OXR1: variants seen among roughly 807,000 people sequenced by gnomAD.
The protein encoded by OXR1 is oxidation resistance 1, also known as oxidation resistance protein 1.
In OXR1, 41 loss-of-function variants were observed where a neutral mutation model predicts 104.6. The ratio of observed to expected loss-of-function variants is 0.39; its 90% CI spans 0.31 to 0.51. The LOEUF (loss-of-function observed/expected upper bound fraction) is 0.51. Among genes scored for constraint, OXR1 ranks in the 20% least tolerant of loss-of-function variants. OXR1 has a pLI of 0.77. For synonymous variants in OXR1, 348 were observed against 348.4 expected (o/e 1.00, Z 0.01); for missense variants, 955 against 1,031.9 (o/e 0.93, Z 1.02).
intron 2 of OXR1, among the ~76,000 whole-genome samples, chr8:106,410,810 C>T (rs145426308): frequency 5.0e-4 from 76 of 152,218 alleles, no homozygotes; most frequent in African/African-American, 1.8e-3. Context: ...TAATTTCTAA[C>T]GACTCTATTT....
Position 106,581,107 on chromosome 8 carries a change from A to C in OXR1, c.220+61968A>C, listed in dbSNP as rs887209508. On this transcript the variant is annotated intron_variant, in intron 3 of 16. Coordinates refer to ENST00000517566, the MANE Select transcript of OXR1 (RefSeq NM_001198533.2). The stretch of plus-strand genomic sequence containing the variant: ...TGGAGGAAAAATATGGTGCTATTCA[A>C]AGACAGTCTAGACTTAAAGATTTAG... The C allele has an allele frequency of 2.4e-6, 3 of 1,240,330 alleles. No homozygotes were observed. In the African/African-American group the frequency reaches 4.7e-5, roughly 20 times the overall value. The allele number at this position is 1,240,330 out of a possible 1,614,324, so 76.8% of individuals were successfully genotyped here.
In OXR1 at chr8:106,424,722, C is replaced by A. The variant is rs1487539587; in HGVS notation, c.23+65086C>A. Among the ~76,000 whole-genome samples the A allele has an allele frequency of 2.0e-5, 3 of 152,074 alleles. No individual in the cohort carries two copies. In the South Asian group the frequency reaches 6.2e-4, roughly 32 times the overall value. ...TTGTCAATTTGTCCTCTTGCAAGGTCTTATCTCCACTAGCAAATTTATGAG... is the reference window on the plus strand; with the variant it reads ...TTGTCAATTTGTCCTCTTGCAAGGTATTATCTCCACTAGCAAATTTATGAG... On this transcript the variant is annotated intron_variant, in intron 2 of 16. Coordinates refer to ENST00000517566, the MANE Select transcript of OXR1 (RefSeq NM_001198533.2).
chr8:106,518,920 C>T, intron 2 of OXR1, 23 bp from the exon 3 acceptor site: 1 of 1,505,546 alleles, frequency 6.6e-7, no homozygotes, highest in Non-Finnish European at 9.0e-7. Context: ...GGATTCATAG[C>T]ATGTGGTCTT....
chr8:106,682,769 A>G (rs1397158828), intron 4 of OXR1, among the ~76,000 whole-genome samples: 1 of 152,238 alleles, frequency 6.6e-6, no homozygotes, highest in Admixed American at 6.5e-5. Flanking sequence ...TATATGTGCA[A>G]TGACAGAATA....
At chr8:106,438,868 T>C (rs1819678062) in intron 2 of OXR1, among the ~76,000 whole-genome samples, 2 of 152,088 alleles carry the variant, frequency 1.3e-5, no homozygotes, top group Admixed American at 6.6e-5. Context: ...TTGGGCCAGT[T>C]ACTTAACCTC....
intron 2 of OXR1, among the ~76,000 whole-genome samples, chr8:106,374,955 C>T (rs16874461): frequency 0.023 from 3,484 of 152,192 alleles, 136 homozygotes; most frequent in African/African-American, 0.079. Flanking sequence ...GGTTTTGCTC[C>T]AACAATTGAC....
intron 2 of OXR1, among the ~76,000 whole-genome samples, chr8:106,419,080 C>G (rs1293475743): frequency 6.6e-6 from 1 of 152,084 alleles, no homozygotes. Flanking sequence ...ATCACTGACT[C>G]CATTGAAATG....
intron 3 of OXR1, among the ~76,000 whole-genome samples, chr8:106,654,422 CA>C (rs1278055715): frequency 1.3e-5 from 2 of 152,008 alleles, no homozygotes; most frequent in Non-Finnish European, 2.9e-5. Context: ...GATGCAAAGA[CA>C]ATGGGGGAAA....
chr8:106,617,110 C>T (rs749293226), intron 3 of OXR1, among the ~76,000 whole-genome samples: 2 of 152,152 alleles, frequency 1.3e-5, no homozygotes, highest in Non-Finnish European at 2.9e-5. Flanking sequence ...CTGCCCTTTA[C>T]TTCTACCGGG....
intron 1 of OXR1, among the ~76,000 whole-genome samples, chr8:106,284,767 G>A (rs540099148): frequency 6.6e-6 from 1 of 151,748 alleles, no homozygotes; most frequent in South Asian, 2.1e-4. Flanking sequence ...TGTTTGTAAA[G>A]TTTCCATTAT....
At chr8:106,300,122 A>T (rs11998224) in intron 1 of OXR1, among the ~76,000 whole-genome samples, 33,432 of 152,100 alleles carry the variant, frequency 0.22, 5,454 homozygotes, top group African/African-American at 0.46. Context: ...CATCTGAATA[A>T]ATGCAATAAG....
At chr8:106,739,013 G>A (rs1329927243) in intron 12 of OXR1, among the ~76,000 whole-genome samples, 2 of 150,680 alleles carry the variant, frequency 1.3e-5, no homozygotes, top group African/African-American at 4.9e-5. Context: ...CACCCAGGAA[G>A]TTTTGTTCAT....
intron 2 of OXR1, among the ~76,000 whole-genome samples, chr8:106,448,567 A>C (rs1481760234): frequency 6.6e-6 from 1 of 152,160 alleles, no homozygotes; most frequent in East Asian, 1.9e-4. Context: ...AATCATGAAA[A>C]ATGTTGTCTA....
intron 2 of OXR1, among the ~76,000 whole-genome samples, chr8:106,484,342 G>A (rs1822316954): frequency 6.6e-6 from 1 of 152,016 alleles, no homozygotes; most frequent in South Asian, 2.1e-4. Flanking sequence ...TTGAGGTGAT[G>A]GATAGCCCAG....
chr8:106,283,527 A>G (rs1015858511), intron 1 of OXR1, among the ~76,000 whole-genome samples: 1 of 152,144 alleles, frequency 6.6e-6, no homozygotes, highest in Admixed American at 6.5e-5. Flanking sequence ...CCTTGCCTAG[A>G]TCTATACTCT....
chr8:106,482,710 A>G (rs1466102761), intron 2 of OXR1, among the ~76,000 whole-genome samples: 1 of 152,020 alleles, frequency 6.6e-6, no homozygotes, highest in East Asian at 1.9e-4. Context: ...AACAGACAAA[A>G]TACATCTCCT....
intron 1 of OXR1, among the ~76,000 whole-genome samples, chr8:106,338,349 G>A (rs1227898256): frequency 1.3e-5 from 2 of 152,028 alleles, no homozygotes; most frequent in Non-Finnish European, 2.9e-5. Flanking sequence ...GCCGGGGTGG[G>A]CGGATCACCT....
intron 1 of OXR1, among the ~76,000 whole-genome samples, chr8:106,332,526 G>A (rs1451631417): frequency 2.0e-5 from 3 of 152,004 alleles, no homozygotes; most frequent in Non-Finnish European, 4.4e-5. Flanking sequence ...ACCTTATATC[G>A]GAGACCCAGT....
intron 2 of OXR1, among the ~76,000 whole-genome samples, chr8:106,452,659 G>A (rs1351263229): frequency 6.6e-6 from 1 of 152,062 alleles, no homozygotes; most frequent in Non-Finnish European, 1.5e-5. Context: ...ACTGTTCCTG[G>A]AATTGTACTT....
Sources: gnomAD v4.1 joint callset for allele counts (sites outside exome capture counted in the v4.1 genomes callset) on GRCh38, gnomAD v4.1.1 for gene constraint, MANE v1.5 for transcripts, NCBI Gene and HGNC (gene_info 2026-07-23, HGNC 2026-07-21) for gene names.